Variants in TBC1D8B observed in about 807,000 individuals in gnomAD.
TBC1D8B encodes TBC1 domain family member 8B.
In TBC1D8B, 75 loss-of-function variants were observed where a neutral mutation model predicts 82.9. The ratio of observed to expected loss-of-function variants is 0.90; its 90% CI spans 0.75 to 1.10. TBC1D8B has a LOEUF of 1.10. TBC1D8B is among the 50% of genes least tolerant of loss of function. TBC1D8B has a pLI of 0.00. For synonymous variants in TBC1D8B, 276 were observed against 276.8 expected, an observed-to-expected ratio of 1.00 and a Z score of 0.03; for missense variants, 794 against 796.9, an observed-to-expected ratio of 1.00 and a Z score of 0.04.
At chrX:106,839,191 T>C (rs1932243904) in intron 7 of TBC1D8B, 117 bp from the exon 8 acceptor site, 1 of 791,128 alleles carries the variant, frequency 1.3e-6, no homozygotes, top group Admixed American at 3.9e-5. Context: ...GAGATATTGC[T>C]TTAATATTTG....
rs1035251429 is a variant in TBC1D8B, at chrX:106,853,561, T to C, written c.2164T>C (p.Ser722Pro). 2 of 1,206,979 alleles carry C rather than the reference T, an allele frequency of 1.7e-6. No individual in the cohort carries two copies. Among genetic ancestry groups the C allele is most frequent in the Non-Finnish European group, 2.2e-6 (2 of 892,698 alleles). Residue 722 changes from serine to proline, a missense_variant, in exon 13 of 21, where the codon TCA becomes CCA. Coordinates refer to ENST00000357242, the MANE Select transcript of TBC1D8B (RefSeq NM_017752.3). ...CACTAATAAGGATAGTCCATTGCCTTCAAATGTTCAGCAAGGTTCAAATGT... is the reference window on the plus strand; with the variant it reads ...CACTAATAAGGATAGTCCATTGCCTCCAAATGTTCAGCAAGGTTCAAATGT... ...NVTNKDSPLP[S>P]NVQQGSNVSD...
intron 1 of TBC1D8B, chrX:106,814,026 G>A (rs1258395337): frequency 1.1e-4 from 9 of 79,273 alleles, no homozygotes; most frequent in African/African-American, 4.4e-4. Context: ...CCCCACAACA[G>A]GCCCCAGAGT....
chrX:106,849,181 G>A, intron 11 of TBC1D8B: 1 of 1,027,303 alleles, frequency 9.7e-7, no homozygotes. Context: ...TTGTGGTTAG[G>A]TCATCGATTT....
At chrX:106,868,229 A>G (rs1231419024) in intron 17 of TBC1D8B, among the ~76,000 whole-genome samples, 164 bp from the exon 18 acceptor site, 2 of 110,340 alleles carry the variant, frequency 1.8e-5, no homozygotes, top group African/African-American at 6.6e-5. Context: ...TATAATTACT[A>G]TATATTACAG....
chrX:106,807,757 A>C (rs1457577370), intron 1 of TBC1D8B, among the ~76,000 whole-genome samples: 1 of 111,476 alleles, frequency 9.0e-6, no homozygotes, highest in Non-Finnish European at 1.9e-5. Flanking sequence ...AAAAAATAAA[A>C]AATAAATAAA....
intron 14 of TBC1D8B, among the ~76,000 whole-genome samples, chrX:106,862,448 A>G (rs1346475840): frequency 8.9e-6 from 1 of 111,840 alleles, no homozygotes; most frequent in South Asian, 3.7e-4. Flanking sequence ...CTATCAGATC[A>G]GTTTGATTCT....
At position 106,848,187 on chromosome X, in the gene TBC1D8B, C is replaced by G; in HGVS notation, c.1721C>G (p.Ala574Gly). The G allele has an allele frequency of 6.0e-6, 7 of 1,165,442 alleles. No homozygotes were observed. The highest frequency in any genetic ancestry group is 6.9e-6 in the Non-Finnish European group (6 of 865,448). The change falls in exon 11 of 21, where the codon GCA becomes GGA. Residue 574 changes from alanine (A) to glycine (G), a missense_variant and splice_region_variant. By Grantham distance (60) the Ala-to-Gly change is moderately conservative. Coordinates refer to ENST00000357242, the MANE Select transcript of TBC1D8B (RefSeq NM_017752.3). Reference protein sequence around the residue: ...YRNPKIGYCQAMNILTSVLLL... With the variant: ...YRNPKIGYCQGMNILTSVLLL... ...AATACTGTTTTCTATGAATTTTAGG[C>G]AATGAATATTTTGACTTCAGTGCTG...
chrX:106,831,995 A>T (rs982079827), intron 7 of TBC1D8B, among the ~76,000 whole-genome samples: 17 of 111,562 alleles, frequency 1.5e-4, no homozygotes, highest in Non-Finnish European at 1.9e-4. Context: ...AACAAGAGCT[A>T]GTTCCATTTG....
At chrX:106,807,935 C>T (rs377680883) in intron 1 of TBC1D8B, among the ~76,000 whole-genome samples, 22 of 109,954 alleles carry the variant, frequency 2.0e-4, no homozygotes, top group African/African-American at 7.3e-4. Context: ...TGCCTGTAGT[C>T]CCAGCTACTG....
At chrX:106,823,777 T>A in intron 5 of TBC1D8B, among the ~76,000 whole-genome samples, 1 of 112,218 alleles carries the variant, frequency 8.9e-6, no homozygotes, top group Non-Finnish European at 1.9e-5. Flanking sequence ...AGTCTAACTC[T>A]AAATTTCTCT....
In TBC1D8B at chrX:106,839,434, T is replaced by C; in HGVS notation, c.1330T>C (p.Leu444=). 8.6e-7 allele frequency: 1 copy of C among 1,158,384 alleles called. No homozygotes were observed. The highest frequency in any genetic ancestry group is 1.2e-6 in the Non-Finnish European group (1 of 867,956). Residue 444 remains leucine (L), a synonymous_variant, in exon 8 of 21, where the codon TTG becomes CTG. Transcript: ENST00000357242. The stretch of plus-strand genomic sequence containing the variant: ...AATGACAGTATTTCACCCTCAGAAT[T>C]TGGAGACTCTTAATTCTAAAATGGT... ...ALMTVFHPQN[L]ETLNSKMLKE...
At chrX:106,813,715 T>C (rs1017240677) in intron 1 of TBC1D8B, among the ~76,000 whole-genome samples, 4 of 112,118 alleles carry the variant, frequency 3.6e-5, no homozygotes, top group Non-Finnish European at 1.9e-5. Context: ...TACACACACA[T>C]TTATGTACTT....
chrX:106,827,078 T>A, intron 6 of TBC1D8B, 92 bp from the exon 7 acceptor site: 1 of 1,032,385 alleles, frequency 9.7e-7, no homozygotes, highest in Non-Finnish European at 1.3e-6. Flanking sequence ...ACCAAAACTT[T>A]TGGCCACAAA....
At chrX:106,835,775 T>TC (rs1055387421) in intron 7 of TBC1D8B, among the ~76,000 whole-genome samples, 3 of 112,010 alleles carry the variant, frequency 2.7e-5, no homozygotes, top group Non-Finnish European at 5.6e-5. Flanking sequence ...CTCATCTCCA[T>TC]CTGAGACCAC....
chrX:106,850,443 A>G, intron 12 of TBC1D8B, 133 bp downstream of exon 12: 1 of 639,718 alleles, frequency 1.6e-6, no homozygotes, highest in African/African-American at 2.2e-5. Flanking sequence ...CTTGAATGAA[A>G]GAGCTACACC....
intron 19 of TBC1D8B, among the ~76,000 whole-genome samples, chrX:106,869,888 T>C (rs1336229579): frequency 8.9e-6 from 1 of 112,392 alleles, no homozygotes; most frequent in Non-Finnish European, 1.9e-5. Flanking sequence ...TAAAAAAATA[T>C]TCCATAAGTA....
intron 10 of TBC1D8B, among the ~76,000 whole-genome samples, chrX:106,842,170 T>A (rs1932323609): frequency 9.1e-6 from 1 of 110,219 alleles, no homozygotes; most frequent in African/African-American, 3.3e-5. Context: ...GAATGGAACA[T>A]CTAAATGGCA....
At position 106,841,935 on chromosome X, in the gene TBC1D8B, G is replaced by A. The variant is rs191312233; in HGVS notation, c.1719+1051G>A. Among the ~76,000 whole-genome samples, 110 of 111,725 alleles carry A rather than the reference G, an allele frequency of 9.8e-4. 2 individuals are homozygous for A. The highest frequency in any genetic ancestry group is 3.4e-3 in the African/African-American group (105 of 30,817). ...CATTCTATTGGATGATCTTAGTCAC[G>A]TGGATACACCTATTCACAAGGAAGT... is the stretch of plus-strand genomic sequence containing the variant. On this transcript the variant is annotated intron_variant, in intron 10 of 20. Coordinates refer to ENST00000357242, the MANE Select transcript of TBC1D8B (RefSeq NM_017752.3).
intron 6 of TBC1D8B, 88 bp from the exon 7 acceptor site, chrX:106,827,082 C>G (rs780380800): frequency 9.4e-7 from 1 of 1,068,931 alleles, no homozygotes; most frequent in African/African-American, 1.9e-5. Context: ...AAACTTTTGG[C>G]CACAAAAGAG....
Sources: gnomAD v4.1 joint callset for allele counts (sites outside exome capture counted in the v4.1 genomes callset) on GRCh38, gnomAD v4.1.1 for gene constraint, MANE v1.5 for transcripts, NCBI Gene and HGNC (gene_info 2026-07-23, HGNC 2026-07-21) for gene names.